The following SHISAL1 variants were observed in gnomAD, a reference collection of about 807,000 sequenced individuals.
The protein encoded by SHISAL1 is shisa like 1.
A neutral mutation model predicts 22.6 loss-of-function variants in SHISAL1; 9 were observed. The ratio of observed to expected loss-of-function variants is 0.40; its 90% CI spans 0.24 to 0.70. The LOEUF (loss-of-function observed/expected upper bound fraction) is 0.70. SHISAL1 is among the 30% of genes least tolerant of loss of function. The probability of loss-of-function intolerance (pLI) is 0.39; values close to 1 mark genes in which losing one functional copy is unlikely to be tolerated. For missense variants in SHISAL1, 246 were observed against 270.6 expected (o/e 0.91, Z 0.64); for synonymous variants, 119 against 115.4 (o/e 1.03, Z -0.20).
chr22:44,315,645 T>C (rs1486447117), upstream of SHISAL1, among the ~76,000 whole-genome samples: 1 of 152,214 alleles, frequency 6.6e-6, no homozygotes, highest in East Asian at 1.9e-4. Flanking sequence ...GGTGGCCCCA[T>C]GTCACCTGGG....
At chr22:44,305,447 G>A (rs1182217080) in intron 1 of SHISAL1, among the ~76,000 whole-genome samples, 1 of 152,254 alleles carries the variant, frequency 6.6e-6, no homozygotes, top group Non-Finnish European at 1.5e-5. Context: ...AGGGTCCAGA[G>A]CTGGAGAGGC....
At chr22:44,263,079 C>CTTTCTTTTT (rs55901041) in intron 4 of SHISAL1, among the ~76,000 whole-genome samples, 105 of 88,264 alleles carry the variant, frequency 1.2e-3, no homozygotes, top group Non-Finnish European at 1.6e-3. Flanking sequence ...TTCTTTCTTT[C>CTTTCTTTTT]TTTTTTTTTT....
At chr22:44,302,603 C>T (rs75602448) in intron 1 of SHISAL1, among the ~76,000 whole-genome samples, 6 of 151,396 alleles carry the variant, frequency 4.0e-5, no homozygotes, top group Admixed American at 6.6e-5. Context: ...GAGTGCTGCA[C>T]ACGGAGGGAT....
chr22:44,318,179 C>T, the SHISAL1 span, among the ~76,000 whole-genome samples: 1 of 152,264 alleles, frequency 6.6e-6, no homozygotes, highest in African/African-American at 2.4e-5. Flanking sequence ...TGCCATGCAC[C>T]AGGCTTCAAG....
the SHISAL1 span, among the ~76,000 whole-genome samples, chr22:44,324,351 GGTCTAACT>G: frequency 6.6e-6 from 1 of 152,162 alleles, no homozygotes; most frequent in Admixed American, 6.6e-5. Context: ...CACCGCCACT[GGTCTAACT>G]GCTCACCTGA....
chr22:44,318,964 C>T, the SHISAL1 span, among the ~76,000 whole-genome samples: 2 of 152,252 alleles, frequency 1.3e-5, no homozygotes, highest in African/African-American at 4.8e-5. Context: ...GCTGGCACCA[C>T]CCACAAGTCC....
chr22:44,270,814 G>A (rs2055200977), intron 4 of SHISAL1, among the ~76,000 whole-genome samples: 2 of 152,180 alleles, frequency 1.3e-5, no homozygotes, highest in South Asian at 2.1e-4. Context: ...CACCTCCCAA[G>A]TCTCAGACAG....
chr22:44,257,756 C>T (rs2055094414), intron 4 of SHISAL1, among the ~76,000 whole-genome samples: 1 of 152,214 alleles, frequency 6.6e-6, no homozygotes, highest in South Asian at 2.1e-4. Flanking sequence ...CCTCTCTCTG[C>T]ATGCACTTCC....
At chr22:44,302,692 G>A (rs1238787390) in intron 1 of SHISAL1, among the ~76,000 whole-genome samples, 1 of 94,364 alleles carries the variant, frequency 1.1e-5, no homozygotes, top group East Asian at 3.2e-4. Flanking sequence ...CGGTGAGGAG[G>A]CAGCAGGGGC....
Position 44,262,695 on chromosome 22 carries a change from G to A in SHISAL1, c.*-13010C>T, listed in dbSNP as rs545199184. Among the ~76,000 whole-genome samples the A allele has an allele frequency of 3.3e-5, 5 of 152,326 alleles. No individual in the cohort carries two copies. In the South Asian group the frequency reaches 6.2e-4, roughly 19 times the overall value. On this transcript the variant is annotated intron_variant, in intron 4 of 4. Transcript: ENST00000381176. ...TCTGGGGCAGTGGCCTGGGCAGGCT[G>A]GGGAGTAGCAGGCTGCCCTGCTGGC...
chr22:44,288,460 C>A (rs917068307), intron 3 of SHISAL1, among the ~76,000 whole-genome samples: 2 of 152,124 alleles, frequency 1.3e-5, no homozygotes, highest in Non-Finnish European at 2.9e-5. Flanking sequence ...CACGGTGAAA[C>A]CCCGTCTCTA....
upstream of SHISAL1, among the ~76,000 whole-genome samples, chr22:44,314,026 G>T (rs1327547367): frequency 6.6e-6 from 1 of 152,138 alleles, no homozygotes; most frequent in Non-Finnish European, 1.5e-5. Context: ...TAGGGGCCGG[G>T]AGTGGGGGTG....
At chr22:44,281,100 C>T (rs2055273422) in intron 4 of SHISAL1, among the ~76,000 whole-genome samples, 1 of 152,024 alleles carries the variant, frequency 6.6e-6, no homozygotes, top group African/African-American at 2.4e-5. Flanking sequence ...TGAGGTGGGC[C>T]CTGGCTGTAC....
chr22:44,299,863 G>A (rs781184971), intron 2 of SHISAL1, among the ~76,000 whole-genome samples: 3 of 151,848 alleles, frequency 2.0e-5, no homozygotes, highest in Non-Finnish European at 4.4e-5. Flanking sequence ...GAGAGACAGA[G>A]ACAGACACAG....
At position 44,300,991 on chromosome 22, in the gene SHISAL1, G is replaced by GC. The variant is rs1472323408; in HGVS notation, c.-32-15dup. The stretch of plus-strand genomic sequence containing the variant: ...GTCCAGAGCTGCCTGTTCAATGAGA[G>GC]CCACGAGAGGCTGGGTGTGGGCTGT... On this transcript the variant is annotated splice_polypyrimidine_tract_variant and intron_variant, in intron 1 of 4. Transcript: ENST00000381176. 5.1e-6 allele frequency: 8 copies of GC among 1,568,734 alleles called. No homozygotes were observed. The highest frequency in any genetic ancestry group is 7.0e-6 in the Non-Finnish European group (8 of 1,140,358).
chr22:44,309,690 A>T (rs534587724), intron 1 of SHISAL1, among the ~76,000 whole-genome samples: 7 of 152,336 alleles, frequency 4.6e-5, no homozygotes, highest in African/African-American at 1.4e-4. Context: ...CACAGCACAC[A>T]CATGTACACA....
intron 4 of SHISAL1, 127 bp from the exon 5 acceptor site, chr22:44,249,812 C>T (rs16990705): frequency 0.074 from 51,086 of 693,910 alleles, 2,110 homozygotes; most frequent in East Asian, 0.1. Flanking sequence ...CTGAACATTG[C>T]GAACCATGTG....
chr22:44,293,227 G>A (rs992621430), intron 3 of SHISAL1, among the ~76,000 whole-genome samples: 1 of 152,326 alleles, frequency 6.6e-6, no homozygotes, highest in African/African-American at 2.4e-5. Flanking sequence ...AGAAGCCTGG[G>A]GGAGGAGAAG....
At chr22:44,307,379 G>A (rs543943802) in intron 1 of SHISAL1, among the ~76,000 whole-genome samples, 1 of 152,320 alleles carries the variant, frequency 6.6e-6, no homozygotes, top group South Asian at 2.1e-4. Context: ...GAGAGGTGAA[G>A]TGACTTGCCC....
Sources: allele counts gnomAD v4.1 joint callset (sites outside exome capture counted in the v4.1 genomes callset), GRCh38; gene constraint gnomAD v4.1.1; transcripts MANE v1.5; gene names NCBI Gene and HGNC (gene_info 2026-07-23, HGNC 2026-07-21).